The following EME1 variants were observed in gnomAD, a reference collection of about 807,000 sequenced individuals.
EME1 encodes the protein structure-specific endonuclease subunit EME1.
EME1 carries 61 observed loss-of-function variants against 59.1 expected under a neutral mutation model. The ratio of observed to expected loss-of-function variants is 1.03; its 90% CI spans 0.84 to 1.28. EME1 has a LOEUF of 1.28. Ranked by LOEUF, EME1 falls within the 50% of genes most tolerant of loss-of-function variation. The pLI, the probability that EME1 is intolerant of heterozygous loss-of-function variation, is 0.00. For missense variants in EME1, 635 were observed against 682.6 expected, an observed-to-expected ratio of 0.93 and a Z score of 0.78; for synonymous variants, 230 against 254.2, an observed-to-expected ratio of 0.90 and a Z score of 0.90.
intron 7 of EME1, 23 bp downstream of exon 7, chr17:50,379,590 GCCTC>G: frequency 6.2e-7 from 1 of 1,601,348 alleles, no homozygotes; most frequent in Non-Finnish European, 8.6e-7. Context: ...AGCAAGTCCA[GCCTC>G]CATGCTGGGC....
rs992807188 is a variant in EME1, at chr17:50,380,500, A to G, written c.1535A>G (p.Gln512Arg). The G allele has an allele frequency of 1.2e-6, 2 of 1,613,162 alleles. No individual in the cohort carries two copies. The highest frequency in any genetic ancestry group is 1.3e-5 in the African/African-American group (1 of 74,910). Residue 512 changes from glutamine to arginine, a missense_variant and splice_region_variant, in exon 8 of 9, where the codon CAG becomes CGG. Transcript: ENST00000338165. ...NAYPSPQLLV[Q>R]AYQQCFSDKE... ...TATCCCTCCCCACAGCTCCTGGTAC[A>G]GGTATGCTGCTCCAGGGCTCAGGGG...
rs981697522 is a variant in EME1, at chr17:50,377,503, T to C, written c.904-1092T>C. Among the ~76,000 whole-genome samples, 5 of 152,324 alleles carry C rather than the reference T, an allele frequency of 3.3e-5. No individual in the cohort carries two copies. In the East Asian group the frequency reaches 9.6e-4, roughly 29 times the overall value. The stretch of plus-strand genomic sequence containing the variant: ...CTGTACTGCTGGAGGATTGTTGGCC[T>C]TGAGGCATCCTTGACTTTGATTATG... On this transcript the variant is annotated intron_variant, in intron 3 of 8. Coordinates refer to ENST00000338165, the MANE Select transcript of EME1 (RefSeq NM_152463.4).
At position 50,374,025 on chromosome 17, in the gene EME1, C is replaced by T. The variant is rs575175426; in HGVS notation, c.-25+748C>T. On this transcript the variant is annotated intron_variant, in intron 1 of 8. Coordinates refer to ENST00000338165, the MANE Select transcript of EME1 (RefSeq NM_152463.4). ...GTATGATTCTATTTATATGAAATAT[C>T]CAGAATAGGCAAATGCATAGAGACA... Among the ~76,000 whole-genome samples the T allele has an allele frequency of 2.6e-5, 4 of 152,062 alleles. No individual in the cohort carries two copies. In the South Asian group the frequency reaches 6.2e-4, roughly 24 times the overall value.
chr17:50,379,716 G>A (rs1913690055), intron 7 of EME1, 149 bp downstream of exon 7: 2 of 656,454 alleles, frequency 3.0e-6, no homozygotes, highest in Admixed American at 2.8e-5. Context: ...CTCACACTGG[G>A]GATTCTTGGG....
rs1913624287 is a variant in EME1 at position 50,378,854 on chromosome 17, A to G, written c.1071A>G (p.Lys357=). 1 of 1,614,218 alleles carries G rather than the reference A, an allele frequency of 6.2e-7. No homozygotes were observed. The highest frequency in any genetic ancestry group is 8.5e-7 in the Non-Finnish European group (1 of 1,180,034). Reference sequence around the variant, plus strand: ...ACATCACAGCAAAGACAGCAGGGAAAGCTCTGTCACTGGTGATTGTGGATC... The same window carrying G: ...ACATCACAGCAAAGACAGCAGGGAAGGCTCTGTCACTGGTGATTGTGGATC... ...VTDITAKTAG[K]ALSLVIVDQE... The change falls in exon 5 of 9, where the codon AAA becomes AAG. Residue 357 remains lysine (K), a synonymous_variant. Transcript: ENST00000338165.
In EME1 at chr17:50,379,577, C is replaced by G. The variant is rs967144004; in HGVS notation, c.1346+10C>G. 1 of 1,612,242 alleles carries G rather than the reference C, an allele frequency of 6.2e-7. No individual in the cohort carries two copies. Among genetic ancestry groups the G allele is most frequent in the Admixed American group, 1.7e-5 (1 of 59,920 alleles). ...CTGAGGCGCCCTTCAAGTGAGTAAC[C>G]CCAGCAAGTCCAGCCTCCATGCTGG... On this transcript the variant is annotated intron_variant, in intron 7 of 8. Transcript: ENST00000338165.
At chr17:50,377,348 A>T (rs1913527695) in intron 3 of EME1, among the ~76,000 whole-genome samples, 2 of 152,180 alleles carry the variant, frequency 1.3e-5, no homozygotes, top group African/African-American at 4.8e-5. Flanking sequence ...CTTGTTGAGG[A>T]TCACAACGGG....
chr17:50,381,055 C>T lies in EME1; in HGVS notation c.*116C>T. Reference sequence around the variant, plus strand: ...CCTGGAACACAAGCCTAGGTGAGGCCCAGTCTTTCTTGGGTCTTATTATTT... The same window carrying T: ...CCTGGAACACAAGCCTAGGTGAGGCTCAGTCTTTCTTGGGTCTTATTATTT... On this transcript the variant is annotated 3_prime_UTR_variant, in exon 9 of 9. Transcript: ENST00000338165. 5.2e-6 allele frequency: 6 copies of T among 1,164,200 alleles called. No homozygotes were observed. In the East Asian group the frequency reaches 1.5e-4, roughly 29 times the overall value. 72.1% of individuals were successfully genotyped at this position (1,164,200 alleles called of 1,614,324 possible).
chr17:50,376,158 A>G lies in EME1; in HGVS notation c.868A>G (p.Ser290Gly), dbSNP rs147953616. Reference protein sequence around the residue: ...CVIEAQAVPCSVTWRRRAGPS... With the variant: ...CVIEAQAVPCGVTWRRRAGPS... ...GATTGAGGCGCAGGCTGTGCCTTGC[A>G]GTGTCACTTGGAGGAGAAGGGCTGG... is the stretch of plus-strand genomic sequence containing the variant. The change falls in exon 3 of 9, where the codon AGT becomes GGT. Residue 290 changes from serine to glycine, a missense_variant. Physicochemically the swap from Ser to Gly is moderately conservative, Grantham distance 56. Coordinates refer to ENST00000338165, the MANE Select transcript of EME1 (RefSeq NM_152463.4). 5 of 1,613,814 alleles carry G rather than the reference A, an allele frequency of 3.1e-6. No individual in the cohort carries two copies. The African/African-American group carries it at 6.7e-5, about 22-fold the overall frequency.
chr17:50,380,962 T>A lies in EME1; in HGVS notation c.*23T>A. On this transcript the variant is annotated 3_prime_UTR_variant, in exon 9 of 9. Transcript: ENST00000338165. ...TGATTCTAGCCCTCAGGGATGAGGATGAAAAGCTGGAAACTTCCACTTCCC... is the reference window on the plus strand; with the variant it reads ...TGATTCTAGCCCTCAGGGATGAGGAAGAAAAGCTGGAAACTTCCACTTCCC... 6.2e-7 allele frequency: 1 copy of A among 1,611,102 alleles called. No homozygotes were observed. The highest frequency in any genetic ancestry group is 8.5e-7 in the Non-Finnish European group (1 of 1,177,634).
intron 4 of EME1, 45 bp downstream of exon 4, chr17:50,378,726 C>A: frequency 6.2e-7 from 1 of 1,614,200 alleles, no homozygotes; most frequent in Non-Finnish European, 8.5e-7. Context: ...AGAGGGCTGA[C>A]TCTTACTAGG....
intron 3 of EME1, among the ~76,000 whole-genome samples, chr17:50,376,511 A>G (rs1264690559): frequency 6.6e-6 from 1 of 152,218 alleles, no homozygotes; most frequent in East Asian, 1.9e-4. Context: ...CACAATGTTT[A>G]GCAGCATTCC....
chr17:50,374,540 A>G (rs1021236230), intron 1 of EME1, among the ~76,000 whole-genome samples: 5 of 152,040 alleles, frequency 3.3e-5, no homozygotes, highest in Non-Finnish European at 4.4e-5. Context: ...TGCCCAGCCT[A>G]TATCTCAATT....
Position 50,380,837 on chromosome 17 carries a change from T to C in EME1, c.1611T>C (p.Gly537=), listed in dbSNP as rs778123919. ...LADIQVRRGE[G]VTSTSRRIGP... ...ACATACAGGTGCGCCGTGGGGAAGG[T>C]GTGACATCCACTTCTCGCCGCATTG... Residue 537 remains glycine (G), a synonymous_variant, in exon 9 of 9, where the codon GGT becomes GGC. Transcript: ENST00000338165. 1 of 1,614,158 alleles carries C rather than the reference T, an allele frequency of 6.2e-7. No homozygotes were observed. Among genetic ancestry groups the C allele is most frequent in the East Asian group, 2.2e-5 (1 of 44,876 alleles).
In EME1 at chr17:50,373,243, C is replaced by CGTGGCA. The variant is rs1567813628; in HGVS notation, c.-56_-51dup. 2 of 1,579,214 alleles carry CGTGGCA rather than the reference C, an allele frequency of 1.3e-6. No homozygotes were observed. The highest frequency in any genetic ancestry group is 1.7e-6 in the Non-Finnish European group (2 of 1,155,814). On this transcript the variant is annotated 5_prime_UTR_variant, in exon 1 of 9. Coordinates refer to ENST00000338165, the MANE Select transcript of EME1 (RefSeq NM_152463.4). Reference sequence around the variant, plus strand: ...TCAGGAGATCTACTTCCGGGCCCTGCGTGGCAGTTGAAAGAGTGGCGGGAG... The same window carrying CGTGGCA: ...TCAGGAGATCTACTTCCGGGCCCTGCGTGGCAGTGGCAGTTGAAAGAGTGGCGGGAG...
chr17:50,379,427 T>C (rs1376631766), intron 6 of EME1, 25 bp from the exon 7 acceptor site: 2 of 1,611,534 alleles, frequency 1.2e-6, no homozygotes, highest in Admixed American at 1.7e-5. Context: ...ACCCTTCCAG[T>C]CCATCGTTGC....
At chr17:50,378,988 T>C in intron 5 of EME1, 93 bp downstream of exon 5, 1 of 1,611,300 alleles carries the variant, frequency 6.2e-7, no homozygotes, top group Non-Finnish European at 8.5e-7. Context: ...TGTAGGTCAC[T>C]CTGCAAGGTA....
At position 50,380,959 on chromosome 17, in the gene EME1, G is replaced by C. The variant is rs375122988; in HGVS notation, c.*20G>C. The C allele has an allele frequency of 5.0e-6, 8 of 1,611,224 alleles. No individual in the cohort carries two copies. In the African/African-American group the frequency reaches 5.3e-5, roughly 11 times the overall value. ...GACTGATTCTAGCCCTCAGGGATGA[G>C]GATGAAAAGCTGGAAACTTCCACTT... On this transcript the variant is annotated 3_prime_UTR_variant, in exon 9 of 9. Transcript: ENST00000338165.
At position 50,375,781 on chromosome 17, in the gene EME1, C is replaced by T; in HGVS notation, c.573C>T (p.Asp191=). 6.2e-7 allele frequency: 1 copy of T among 1,614,168 alleles called. No individual in the cohort carries two copies. The highest frequency in any genetic ancestry group is 1.1e-5 in the South Asian group (1 of 91,078). The change falls in exon 2 of 9, where the codon GAC becomes GAT. Residue 191 remains aspartate (D), a synonymous_variant. Transcript: ENST00000338165. ...TGGCAGTAACCAAAACAAATTCTGA[C>T]ATCCTTCCACCCCAGAAGAAAACCA... ...SSLAVTKTNS[D]ILPPQKKTKP... is the part of the protein sequence containing the mutation.
Sources: gnomAD v4.1 joint callset for allele counts (sites outside exome capture counted in the v4.1 genomes callset) on GRCh38, gnomAD v4.1.1 for gene constraint, MANE v1.5 for transcripts, NCBI Gene and HGNC (gene_info 2026-07-23, HGNC 2026-07-21) for gene names.